Variants in HNRNPC observed in about 807,000 individuals in gnomAD.
HNRNPC encodes heterogeneous nuclear ribonucleoprotein C.
In HNRNPC, 3 loss-of-function variants were observed where a neutral mutation model predicts 33.2. The ratio of observed to expected loss-of-function variants is 0.09; its 90% CI spans 0.04 to 0.23. The LOEUF is 0.23. Ranked by LOEUF, HNRNPC falls within the 10% of genes least tolerant of loss-of-function variation. The probability of loss-of-function intolerance (pLI) is 1.00; values close to 1 mark genes in which losing one functional copy is unlikely to be tolerated. For missense variants in HNRNPC, 143 were observed against 366.7 expected, an observed-to-expected ratio of 0.39 and a Z score of 4.98; for synonymous variants, 121 against 126.7, an observed-to-expected ratio of 0.96 and a Z score of 0.30.
At chr14:21,254,294 G>GAGT (rs1370185952) in intron 2 of HNRNPC, among the ~76,000 whole-genome samples, 1 of 152,008 alleles carries the variant, frequency 6.6e-6, no homozygotes, top group Non-Finnish European at 1.5e-5. Context: ...TAGTATTATA[G>GAGT]AGTATATAAT....
At chr14:21,235,533 CAA>C (rs1307079923) in intron 2 of HNRNPC, among the ~76,000 whole-genome samples, 11 of 152,124 alleles carry the variant, frequency 7.2e-5, no homozygotes, top group African/African-American at 1.7e-4. Flanking sequence ...TTCTGAAATT[CAA>C]AAGTCTGTCT....
chr14:21,248,233 A>G (rs1276237574), intron 2 of HNRNPC, among the ~76,000 whole-genome samples: 1 of 152,142 alleles, frequency 6.6e-6, no homozygotes, highest in Non-Finnish European at 1.5e-5. Flanking sequence ...TTTAGTACAG[A>G]CGGGGTTTTG....
At chr14:21,217,826 GT>G (rs1892354542) in intron 5 of HNRNPC, among the ~76,000 whole-genome samples, 4 of 152,152 alleles carry the variant, frequency 2.6e-5, no homozygotes, top group African/African-American at 9.7e-5. Context: ...TTAATGAAAT[GT>G]TGCATATTAA....
intron 2 of HNRNPC, among the ~76,000 whole-genome samples, chr14:21,247,340 T>C (rs1281429380): frequency 6.6e-6 from 1 of 152,200 alleles, no homozygotes; most frequent in African/African-American, 2.4e-5. Flanking sequence ...CTCTCAATTA[T>C]GTATCCTTCA....
At chr14:21,228,672 G>C (rs955722439) in intron 5 of HNRNPC, among the ~76,000 whole-genome samples, 1 of 152,046 alleles carries the variant, frequency 6.6e-6, no homozygotes, top group Non-Finnish European at 1.5e-5. Context: ...GATTACAGGT[G>C]TGAGCCACCG....
At position 21,231,420 on chromosome 14, in the gene HNRNPC, A is replaced by C. The variant is rs540932848; in HGVS notation, c.242-348T>G. ...CATACAAGCTGGAGTGCAGTGATGCAATAATGGCTCAATACAGCCTAGACC... is the reference window on the plus strand; with the variant it reads ...CATACAAGCTGGAGTGCAGTGATGCCATAATGGCTCAATACAGCCTAGACC... On this transcript the variant is annotated intron_variant, in intron 3 of 8. Transcript: ENST00000553300. The C allele has an allele frequency of 1.1e-4, 53 of 463,310 alleles. 1 individual carries two copies. The highest frequency in any genetic ancestry group is 8.2e-4 in the South Asian group (53 of 64,604). The allele number at this position is 463,310 out of a possible 1,614,324, so 28.7% of individuals were successfully genotyped here.
At position 21,210,365 on chromosome 14, in the gene HNRNPC, T is replaced by G. The variant is rs1049980050; in HGVS notation, c.*858A>C. ...GAAAAAGTCTCCACTCTATGTCAAG[T>G]TGACTCCTCAATGCAACATGCATCT... On this transcript the variant is annotated 3_prime_UTR_variant, in exon 9 of 9. Coordinates refer to ENST00000553300, the MANE Select transcript of HNRNPC (RefSeq NM_004500.4). 1.3e-5 allele frequency: 2 copies of G among 152,358 alleles called. No individual in the cohort carries two copies. The highest frequency in any genetic ancestry group is 4.8e-5 in the African/African-American group (2 of 41,462). The allele number at this position is 152,358 out of a possible 1,614,324, so 9.4% of individuals were successfully genotyped here. A position where few individuals can be genotyped will look rare whatever the true frequency, so the allele number is the denominator to read the frequency against.
At chr14:21,217,936 T>C (rs1447742880) in intron 5 of HNRNPC, among the ~76,000 whole-genome samples, 1 of 152,116 alleles carries the variant, frequency 6.6e-6, no homozygotes, top group Non-Finnish European at 1.5e-5. Context: ...ACCTGAAAAC[T>C]TTCTCAGTCA....
chr14:21,237,410 T>G, intron 2 of HNRNPC, among the ~76,000 whole-genome samples: 1 of 152,236 alleles, frequency 6.6e-6, no homozygotes, highest in East Asian at 1.9e-4. Flanking sequence ...AGTATTAACT[T>G]GTAGTTTCCC....
intron 5 of HNRNPC, among the ~76,000 whole-genome samples, chr14:21,215,629 G>A (rs1299859366): frequency 6.6e-6 from 1 of 152,136 alleles, no homozygotes; most frequent in Non-Finnish European, 1.5e-5. Context: ...AGCCAGGTGT[G>A]GAGGCTCATG....
At chr14:21,224,891 G>T (rs544487081) in intron 5 of HNRNPC, among the ~76,000 whole-genome samples, 4 of 152,102 alleles carry the variant, frequency 2.6e-5, no homozygotes, top group Non-Finnish European at 5.9e-5. Context: ...AGTAATAACA[G>T]CACTCTGAAA....
At chr14:21,245,452 G>T (rs533843851) in intron 2 of HNRNPC, among the ~76,000 whole-genome samples, 1 of 150,634 alleles carries the variant, frequency 6.6e-6, no homozygotes, top group Non-Finnish European at 1.5e-5. Context: ...GGCTGAGATC[G>T]CACCACTGCA....
chr14:21,239,242 G>A lies in HNRNPC; in HGVS notation c.-36-5013C>T, dbSNP rs181542122. Among the ~76,000 whole-genome samples the A allele has an allele frequency of 4.6e-3, 701 of 152,308 alleles. 2 individuals are homozygous for A. The highest frequency in any genetic ancestry group is 0.01 in the Admixed American group (154 of 15,294). ...ACATTTCCAGCCAGGCACTTTGGGA[G>A]GCCGAGGCAGGTGGATCATGAGGTC... On this transcript the variant is annotated intron_variant, in intron 2 of 8. Transcript: ENST00000553300.
At chr14:21,252,489 T>G (rs1896783115) in intron 2 of HNRNPC, among the ~76,000 whole-genome samples, 1 of 152,126 alleles carries the variant, frequency 6.6e-6, no homozygotes, top group Non-Finnish European at 1.5e-5. Flanking sequence ...TTTTTTGTAT[T>G]CTTAGCAGAG....
intron 2 of HNRNPC, among the ~76,000 whole-genome samples, chr14:21,256,357 G>C (rs187553188): frequency 1.1e-3 from 161 of 152,094 alleles, no homozygotes; most frequent in Non-Finnish European, 2.0e-3. Flanking sequence ...GCTGAGGCAG[G>C]AGAACTGCTT....
At chr14:21,228,691 T>A (rs1189765597) in intron 5 of HNRNPC, among the ~76,000 whole-genome samples, 1 of 152,028 alleles carries the variant, frequency 6.6e-6, no homozygotes. Context: ...CGTGCCCAGC[T>A]GATTTTTATT....
At chr14:21,222,888 C>T (rs562497305) in intron 5 of HNRNPC, among the ~76,000 whole-genome samples, 62 of 151,450 alleles carry the variant, frequency 4.1e-4, no homozygotes, top group African/African-American at 1.5e-3. Context: ...AGGGAGACTC[C>T]GTCTCAAAAA....
At chr14:21,260,594 G>A (rs1878069455) in intron 2 of HNRNPC, among the ~76,000 whole-genome samples, 1 of 151,768 alleles carries the variant, frequency 6.6e-6, no homozygotes, top group African/African-American at 2.4e-5. Context: ...TGAGGCGGGT[G>A]GATCACCTGA....
At chr14:21,234,281 C>T in intron 2 of HNRNPC, 52 bp from the exon 3 acceptor site, 2 of 1,486,324 alleles carry the variant, frequency 1.3e-6, no homozygotes, top group Non-Finnish European at 1.8e-6. Flanking sequence ...AACAATATTC[C>T]TTGATAAAAC....
Sources: gnomAD v4.1 joint callset for allele counts (sites outside exome capture counted in the v4.1 genomes callset) on GRCh38, gnomAD v4.1.1 for gene constraint, MANE v1.5 for transcripts, NCBI Gene and HGNC (gene_info 2026-07-23, HGNC 2026-07-21) for gene names.